Variants in CYTH3 observed in about 807,000 individuals in gnomAD.
CYTH3 encodes the protein cytohesin-3.
In CYTH3, 23 loss-of-function variants were observed where a neutral mutation model predicts 55.1. That is an observed-to-expected ratio of 0.42 (90% CI 0.30 to 0.59). The LOEUF is 0.59. Among genes scored for constraint, CYTH3 ranks in the 20% least tolerant of loss-of-function variants. The pLI, the probability that CYTH3 is intolerant of heterozygous loss-of-function variation, is 0.20. For missense variants in CYTH3, 413 were observed against 524.8 expected (o/e 0.79, Z 2.08); for synonymous variants, 249 against 194.9 (o/e 1.28, Z -2.31).
intron 1 of CYTH3, among the ~76,000 whole-genome samples, chr7:6,227,869 C>A (rs911433605): frequency 6.6e-6 from 1 of 152,282 alleles, no homozygotes; most frequent in Middle Eastern, 3.4e-3. Flanking sequence ...CCTTACTGGA[C>A]CTCGGCTGAA....
At chr7:6,259,421 G>T (rs567025920) in intron 1 of CYTH3, among the ~76,000 whole-genome samples, 28 of 152,162 alleles carry the variant, frequency 1.8e-4, no homozygotes, top group African/African-American at 6.0e-4. Context: ...TCAGCTCAAA[G>T]AGTAAATTTA....
At chr7:6,265,493 C>T (rs927834962) in intron 1 of CYTH3, among the ~76,000 whole-genome samples, 1 of 151,792 alleles carries the variant, frequency 6.6e-6, no homozygotes, top group African/African-American at 2.4e-5. Context: ...GTGGCACGCG[C>T]CTGTAGTCCC....
intron 1 of CYTH3, among the ~76,000 whole-genome samples, chr7:6,251,310 G>T (rs867366383): frequency 7.3e-5 from 11 of 150,134 alleles, no homozygotes; most frequent in Admixed American, 6.6e-5. Flanking sequence ...AATCTGAAAA[G>T]AAAGCTATCA....
intron 1 of CYTH3, among the ~76,000 whole-genome samples, chr7:6,238,416 A>G (rs1779582176): frequency 1.3e-5 from 2 of 152,244 alleles, no homozygotes; most frequent in Non-Finnish European, 2.9e-5. Flanking sequence ...ATGATGGCTA[A>G]CAAACAAGAT....
chr7:6,228,016 A>T (rs1165115922), intron 1 of CYTH3, among the ~76,000 whole-genome samples: 2 of 152,222 alleles, frequency 1.3e-5, no homozygotes, highest in Non-Finnish European at 2.9e-5. Context: ...ACTCTGACTC[A>T]TTCTCCTATT....
chr7:6,219,491 C>A (rs1476948858), intron 1 of CYTH3, among the ~76,000 whole-genome samples: 5 of 152,192 alleles, frequency 3.3e-5, no homozygotes, highest in African/African-American at 1.2e-4. Context: ...AAGGGTGTGG[C>A]TGGCCAATGT....
At chr7:6,200,453 C>G (rs914103891) in intron 1 of CYTH3, among the ~76,000 whole-genome samples, 3 of 152,158 alleles carry the variant, frequency 2.0e-5, no homozygotes, top group Non-Finnish European at 4.4e-5. Context: ...GTACCCTGAA[C>G]AAAAATTTGG....
In CYTH3 at chr7:6,171,709, T is replaced by G. The variant is rs10275021; in HGVS notation, c.450-395A>C. Reference sequence around the variant, plus strand: ...GTCCTCCTTTCAGAACTCCCACACATAAGGCAGAGCCATAGCCCACAGGAC... The same window carrying G: ...GTCCTCCTTTCAGAACTCCCACACAGAAGGCAGAGCCATAGCCCACAGGAC... On this transcript the variant is annotated intron_variant, in intron 6 of 12. Transcript: ENST00000350796. The surrounding 1 kb of genome is among the most constrained non-coding windows in gnomAD (Gnocchi z 6.7). 1 of 244,340 alleles carries G rather than the reference T, an allele frequency of 4.1e-6. No individual in the cohort carries two copies. The highest frequency in any genetic ancestry group is 8.4e-6 in the Non-Finnish European group (1 of 119,098). The allele number at this position is 244,340 out of a possible 1,614,324, so 15.1% of individuals were successfully genotyped here.
chr7:6,225,674 T>C (rs1454962255), intron 1 of CYTH3, among the ~76,000 whole-genome samples: 1 of 149,460 alleles, frequency 6.7e-6, no homozygotes, highest in Non-Finnish European at 1.5e-5. Flanking sequence ...TATATTTTTT[T>C]GAAGAATTTT....
chr7:6,227,056 G>A (rs997945818), intron 1 of CYTH3, among the ~76,000 whole-genome samples: 2 of 150,924 alleles, frequency 1.3e-5, no homozygotes, highest in Non-Finnish European at 2.9e-5. Flanking sequence ...CTCCAGCCTG[G>A]GCAACAGAGC....
chr7:6,236,150 A>T (rs1424966644), intron 1 of CYTH3, among the ~76,000 whole-genome samples: 1 of 152,174 alleles, frequency 6.6e-6, no homozygotes, highest in African/African-American at 2.4e-5. Flanking sequence ...ATGCAGACAC[A>T]GACAAGGGTT....
intron 1 of CYTH3, among the ~76,000 whole-genome samples, chr7:6,254,471 C>T (rs1400384340): frequency 1.3e-5 from 2 of 152,192 alleles, no homozygotes; most frequent in African/African-American, 2.4e-5. Context: ...CTTTTTGAGA[C>T]GGAGTCTCGT....
At chr7:6,205,208 T>C (rs1184434741) in intron 1 of CYTH3, among the ~76,000 whole-genome samples, 2 of 151,922 alleles carry the variant, frequency 1.3e-5, no homozygotes, top group Non-Finnish European at 2.9e-5. Flanking sequence ...CCCATTTGTT[T>C]GGAAATTAAA....
chr7:6,234,594 A>C (rs1183157022), intron 1 of CYTH3, among the ~76,000 whole-genome samples: 1 of 152,218 alleles, frequency 6.6e-6, no homozygotes, highest in East Asian at 1.9e-4. Context: ...TGGTCTCGGG[A>C]CATCCCACAC....
At chr7:6,197,397 T>G (rs551421796) in intron 1 of CYTH3, among the ~76,000 whole-genome samples, 2 of 152,236 alleles carry the variant, frequency 1.3e-5, no homozygotes, top group South Asian at 4.1e-4. Context: ...AAAAAAAGAA[T>G]TGAGGCTGAG....
At chr7:6,202,393 A>G (rs934893406) in intron 1 of CYTH3, among the ~76,000 whole-genome samples, 1 of 152,034 alleles carries the variant, frequency 6.6e-6, no homozygotes. Flanking sequence ...AACCCAGACA[A>G]GAGCAGCACG....
rs1190618988 is a variant in CYTH3 at position 6,163,851 on chromosome 7, T to C, written c.*1093A>G. 1.3e-5 allele frequency: 2 copies of C among 152,198 alleles called. No homozygotes were observed. The highest frequency in any genetic ancestry group is 2.4e-5 in the African/African-American group (1 of 41,436). 9.4% of individuals were successfully genotyped at this position (152,198 alleles called of 1,614,324 possible). On this transcript the variant is annotated 3_prime_UTR_variant, in exon 13 of 13. Transcript: ENST00000350796. ...AGAAAGTCTGTAAAATAAGCGTTCA[T>C]TTTGCCACAGGTTTTAAATAGCGAT...
At chr7:6,189,865 T>C (rs188683336) in intron 2 of CYTH3, among the ~76,000 whole-genome samples, 16 of 151,968 alleles carry the variant, frequency 1.1e-4, no homozygotes, top group African/African-American at 3.4e-4. Flanking sequence ...TGAAACCCTG[T>C]CTCTACTAAA....
chr7:6,198,019 T>C (rs989185285), intron 1 of CYTH3, among the ~76,000 whole-genome samples: 1 of 151,552 alleles, frequency 6.6e-6, no homozygotes, highest in African/African-American at 2.4e-5. Flanking sequence ...GCTTGAGCCC[T>C]TGAGTTTGAG....
Sources: allele counts gnomAD v4.1 joint callset (sites outside exome capture counted in the v4.1 genomes callset), GRCh38; gene constraint gnomAD v4.1.1; non-coding constraint Gnocchi (gnomAD v3.1); transcripts MANE v1.5; gene names NCBI Gene and HGNC (gene_info 2026-07-23, HGNC 2026-07-21).